Variants in DPF1 observed in about 807,000 individuals in gnomAD.
DPF1 encodes double PHD fingers 1, also known as zinc finger protein neuro-d4.
Under a neutral mutation model 58.7 loss-of-function variants are expected in DPF1, and 14 were observed. The observed-to-expected ratio is 0.24, with a 90% confidence interval of 0.16 to 0.37. The LOEUF is 0.37. DPF1 is among the 10% of genes least tolerant of loss of function. DPF1 has a pLI of 1.00. For missense variants in DPF1, 345 were observed against 529.9 expected (o/e 0.65, Z 3.43); for synonymous variants, 216 against 216.0 (o/e 1.00, Z 0.00).
rs774568338 is a variant in DPF1 at position 38,222,010 on chromosome 19, G to A, written c.298+347C>T. 3.9e-5 allele frequency among the ~76,000 whole-genome samples: 6 copies of A among 152,126 alleles called. No homozygotes were observed. The highest frequency in any genetic ancestry group is 7.2e-5 in the African/African-American group (3 of 41,416). On this transcript the variant is annotated intron_variant, in intron 3 of 11. Transcript: ENST00000355526. The surrounding 1 kb of genome is among the most constrained non-coding windows in gnomAD (Gnocchi z 4.9). The stretch of plus-strand genomic sequence containing the variant: ...GCAGAATCGCTTGAACCTGCTAGGC[G>A]GAAGTTGCGGGTTCAAGGTTCAACT...
intron 3 of DPF1, among the ~76,000 whole-genome samples, chr19:38,221,741 G>C (rs1967490898): frequency 6.6e-6 from 1 of 152,090 alleles, no homozygotes; most frequent in South Asian, 2.1e-4. Flanking sequence ...CTTGAGCTCA[G>C]GAGTTCAAGA....
Position 38,211,777 on chromosome 19 carries a change from C to T in DPF1, c.*286G>A, listed in dbSNP as rs897802211. 8 of 480,830 alleles carry T rather than the reference C, an allele frequency of 1.7e-5. No homozygotes were observed. Among genetic ancestry groups the T allele is most frequent in the Middle Eastern group, 1.1e-3 (2 of 1,856 alleles). 29.8% of individuals were successfully genotyped at this position (480,830 alleles called of 1,614,324 possible). A position where few individuals can be genotyped will look rare whatever the true frequency, so the allele number is the denominator to read the frequency against. On this transcript the variant is annotated 3_prime_UTR_variant, in exon 12 of 12. Coordinates refer to ENST00000355526, the MANE Select transcript of DPF1 (RefSeq NM_001135155.3). This position sits in a 1 kb window ranked among gnomAD's most constrained non-coding sequence, Gnocchi z 4.0. ...CCATGCCCCTGGCTGGCACCCACCA[C>T]CCCCCATGCCCGCCCAGAGGCGGGG...
upstream of DPF1, among the ~76,000 whole-genome samples, chr19:38,226,459 A>C (rs1479048210): frequency 1.4e-5 from 2 of 146,982 alleles, no homozygotes; most frequent in African/African-American, 5.1e-5. Flanking sequence ...AAATCCCCCC[A>C]AGAGAGAGAT....
chr19:38,227,509 C>T (rs955364347), upstream of DPF1, among the ~76,000 whole-genome samples: 3 of 152,094 alleles, frequency 2.0e-5, no homozygotes, highest in Non-Finnish European at 4.4e-5. Flanking sequence ...CCAGTCCTCT[C>T]CCTGGCCCAA....
At chr19:38,213,885 A>G in intron 9 of DPF1, 129 bp from the exon 10 acceptor site, 3 of 731,528 alleles carry the variant, frequency 4.1e-6, no homozygotes, top group Non-Finnish European at 6.8e-6. Context: ...CGGGATCCAC[A>G]GCCTGACCCC....
Position 38,229,531 on chromosome 19 carries a change from A to C in DPF1, c.-132+28T>G, listed in dbSNP as rs1600301313. 17 of 815,242 alleles carry C rather than the reference A, an allele frequency of 2.1e-5. No individual in the cohort carries two copies. Among genetic ancestry groups the C allele is most frequent in the East Asian group, 2.9e-4 (2 of 6,914 alleles). 50.5% of individuals were successfully genotyped at this position (815,242 alleles called of 1,614,324 possible). A position where few individuals can be genotyped will look rare whatever the true frequency, so the allele number is the denominator to read the frequency against. ...GGGCTCCTGGTGGGGGGGTCTGGAC[A>C]GGGGGCGGGGACGGCAGGGACACTC... is the stretch of plus-strand genomic sequence containing the variant. On this transcript the variant is annotated intron_variant, in intron 1 of 11. Transcript: ENST00000412732. The surrounding 1 kb of genome is among the most constrained non-coding windows in gnomAD (Gnocchi z 5.3).
At chr19:38,212,529 G>A (rs970080100) in intron 10 of DPF1, 168 bp from the exon 11 acceptor site, 7 of 500,958 alleles carry the variant, frequency 1.4e-5, no homozygotes, top group African/African-American at 1.4e-4. Flanking sequence ...ACACTGCTTA[G>A]CCAAACACAT....
intron 9 of DPF1, chr19:38,213,962 C>T (rs1272346799): frequency 3.6e-6 from 2 of 562,646 alleles, no homozygotes; most frequent in Non-Finnish European, 6.4e-6. Context: ...ACCACAACCA[C>T]CATGGCAACC....
At chr19:38,224,291 G>T, upstream of DPF1, 1 of 1,263,072 alleles carries the variant, frequency 7.9e-7, no homozygotes, top group Non-Finnish European at 9.9e-7. The surrounding 1 kb of genome is among the most constrained non-coding windows in gnomAD (Gnocchi z 4.5). Flanking sequence ...GGGCCCGCCC[G>T]GGCCATGCTG....
At position 38,211,913 on chromosome 19, in the gene DPF1, C is replaced by T. The variant is rs1429784722; in HGVS notation, c.*150G>A. ...ACCCACCCACAGGGCAGACATTCCA[C>T]TTGCACAGAGGGGAGGGGGTGGCCC... On this transcript the variant is annotated 3_prime_UTR_variant, in exon 12 of 12. Transcript: ENST00000355526. This position sits in a 1 kb window ranked among gnomAD's most constrained non-coding sequence, Gnocchi z 4.0. 1.9e-5 allele frequency: 16 copies of T among 830,150 alleles called. No homozygotes were observed. Among genetic ancestry groups the T allele is most frequent in the Non-Finnish European group, 5.6e-6 (3 of 533,648 alleles). 51.4% of individuals were successfully genotyped at this position (830,150 alleles called of 1,614,324 possible). A position where few individuals can be genotyped will look rare whatever the true frequency, so the allele number is the denominator to read the frequency against.
chr19:38,216,946 G>A (rs1029478608), intron 7 of DPF1, among the ~76,000 whole-genome samples: 2 of 152,138 alleles, frequency 1.3e-5, no homozygotes, highest in African/African-American at 2.4e-5. Context: ...GAAAAACTCC[G>A]AACACTGAGG....
chr19:38,226,438 T>C (rs1386065740), upstream of DPF1, among the ~76,000 whole-genome samples: 1 of 150,852 alleles, frequency 6.6e-6, no homozygotes, highest in Admixed American at 6.6e-5. Context: ...CTTCACCATT[T>C]TTGTCACTTG....
chr19:38,227,010 C>A (rs978405074), upstream of DPF1, among the ~76,000 whole-genome samples: 1 of 92,834 alleles, frequency 1.1e-5, no homozygotes, highest in African/African-American at 3.9e-5. Context: ...TCCTTCCTTC[C>A]TTCCTTCCTT....
chr19:38,212,173 G>A, intron 11 of DPF1, 40 bp from the exon 12 acceptor site: 5 of 1,593,432 alleles, frequency 3.1e-6, no homozygotes, highest in East Asian at 4.5e-5. Flanking sequence ...CCCGGGTCCG[G>A]GAGGGCTGCC....
At chr19:38,223,202 C>G (rs551268612) in intron 1 of DPF1, 3 of 156,388 alleles carry the variant, frequency 1.9e-5, no homozygotes, top group Non-Finnish European at 4.2e-5. Context: ...CACAGACACA[C>G]ACCAGAAACA....
upstream of DPF1, chr19:38,224,353 G>A (rs1019430774): frequency 1.7e-6 from 2 of 1,196,080 alleles, no homozygotes; most frequent in Non-Finnish European, 2.1e-6. The surrounding 1 kb of genome is among the most constrained non-coding windows in gnomAD (Gnocchi z 4.5). Context: ...GGGACGGGAC[G>A]GCGCGGAGGA....
Position 38,224,154 on chromosome 19 carries a change from G to C in DPF1, c.-12C>G. On this transcript the variant is annotated 5_prime_UTR_variant, in exon 1 of 12. Transcript: ENST00000355526. This position sits in a 1 kb window ranked among gnomAD's most constrained non-coding sequence, Gnocchi z 4.5. ...ATGACAGTGGCCATCTTGCTCCCCG[G>C]GTCCTGCCCCCAGCAGGTCCCCGCC... 1 of 1,463,364 alleles carries C rather than the reference G, an allele frequency of 6.8e-7. No homozygotes were observed. The highest frequency in any genetic ancestry group is 9.0e-7 in the Non-Finnish European group (1 of 1,113,648). The allele number at this position is 1,463,364 out of a possible 1,614,324, so 90.6% of individuals were successfully genotyped here. A position where few individuals can be genotyped will look rare whatever the true frequency, so the allele number is the denominator to read the frequency against.
At chr19:38,224,427 G>A (rs1363564868), upstream of DPF1, among the ~76,000 whole-genome samples, 2 of 152,114 alleles carry the variant, frequency 1.3e-5, no homozygotes, top group East Asian at 3.9e-4. This position sits in a 1 kb window ranked among gnomAD's most constrained non-coding sequence, Gnocchi z 4.5. Flanking sequence ...GCTCTCGCGT[G>A]CACACAACCA....
chr19:38,215,533 G>A (rs1966954855), intron 9 of DPF1, among the ~76,000 whole-genome samples: 1 of 151,924 alleles, frequency 6.6e-6, no homozygotes, highest in South Asian at 2.1e-4. Context: ...AACCTTCTGG[G>A]CTCAAGCGAG....
Sources: allele counts gnomAD v4.1 joint callset (sites outside exome capture counted in the v4.1 genomes callset), GRCh38; gene constraint gnomAD v4.1.1; non-coding constraint Gnocchi (gnomAD v3.1); transcripts MANE v1.5; gene names NCBI Gene and HGNC (gene_info 2026-07-23, HGNC 2026-07-21).